HOXC9: variants seen among roughly 807,000 people sequenced by gnomAD.
The protein encoded by HOXC9 is homeobox C9.
Under a neutral mutation model 20.0 loss-of-function variants are expected in HOXC9, and 10 were observed. The ratio of observed to expected loss-of-function variants is 0.50; its 90% CI spans 0.31 to 0.85. The LOEUF is 0.85. Ranked by LOEUF, HOXC9 falls within the 40% of genes least tolerant of loss-of-function variation. The pLI, the probability that HOXC9 is intolerant of heterozygous loss-of-function variation, is 0.05. For synonymous variants in HOXC9, 200 were observed against 163.7 expected (o/e 1.22, Z -1.69); for missense variants, 394 against 376.7 (o/e 1.05, Z -0.38).
Position 54,003,152 on chromosome 12 carries a change from C to G in HOXC9, c.*478C>G, listed in dbSNP as rs1007340253. ...ATGATAATGATTCCCAGCCCAGGAG[C>G]TGAGGGGTGAGGGCTGGGGACCATG... On this transcript the variant is annotated 3_prime_UTR_variant, in exon 2 of 2. Coordinates refer to ENST00000303450, the MANE Select transcript of HOXC9 (RefSeq NM_006897.3). 6.5e-6 allele frequency: 1 copy of G among 154,494 alleles called. No individual in the cohort carries two copies. The highest frequency in any genetic ancestry group is 2.4e-5 in the African/African-American group (1 of 41,324). The allele number at this position is 154,494 out of a possible 1,614,324, so 9.6% of individuals were successfully genotyped here. A position where few individuals can be genotyped will look rare whatever the true frequency, so the allele number is the denominator to read the frequency against.
Position 54,002,479 on chromosome 12 carries a change from C to G in HOXC9, c.588C>G (p.Arg196=). The G allele has an allele frequency of 5.0e-6, 8 of 1,614,108 alleles. No homozygotes were observed. The highest frequency in any genetic ancestry group is 6.8e-6 in the Non-Finnish European group (8 of 1,179,970). ...ACGCCCGCTCCACGAGGAAGAAGCG[C>G]TGCCCCTACACCAAGTACCAGACGC... is the stretch of plus-strand genomic sequence containing the variant. ...WIHARSTRKK[R]CPYTKYQTLE... is the part of the protein sequence containing the mutation. Residue 196 remains arginine (R), a synonymous_variant, in exon 2 of 2, where the codon CGC becomes CGG. Coordinates refer to ENST00000303450, the MANE Select transcript of HOXC9 (RefSeq NM_006897.3).
rs1266645645 is a variant in HOXC9 at position 54,000,576 on chromosome 12, T to G, written c.388T>G (p.Cys130Gly). 2 of 1,535,130 alleles carry G rather than the reference T, an allele frequency of 1.3e-6. No homozygotes were observed. The highest frequency in any genetic ancestry group is 1.7e-6 in the Non-Finnish European group (2 of 1,148,488). The part of the protein sequence containing the change: ...PDAYPGRRAD[C>G]GPGEGRSYPD... ...CGCCTACCCCGGGCGCCGCGCGGAC[T>G]GCGGCCCAGGGGAGGGCCGCAGCTA... Residue 130 changes from cysteine (C) to glycine (G), a missense_variant, in exon 1 of 2, where the codon TGC (cysteine) becomes GGC (glycine). Cys to Gly is a radical substitution (Grantham distance 159). Transcript: ENST00000303450.
intron 1 of HOXC9, 60 bp from the exon 2 acceptor site, chr12:54,002,370 A>G (rs1939764787): frequency 1.3e-6 from 2 of 1,573,084 alleles, no homozygotes; most frequent in Non-Finnish European, 1.7e-6. Flanking sequence ...GGGGTAGAGT[A>G]GCAGAAGTCC....
At chr12:54,000,828 G>A (rs950215930) in intron 1 of HOXC9, 102 bp downstream of exon 1, 1 of 1,096,754 alleles carries the variant, frequency 9.1e-7, no homozygotes, top group Non-Finnish European at 1.2e-6. Flanking sequence ...CAGGGAGCGC[G>A]GGAGAGGGGC....
rs1261463411 is a variant in HOXC9, at chr12:54,002,721, A to G, written c.*47A>G. On this transcript the variant is annotated 3_prime_UTR_variant, in exon 2 of 2. Transcript: ENST00000303450. ...CAGCACAGCCAAGGGAAAAACAAAA[A>G]CCCCACAAAATACCCCAACACAGGC... is the stretch of plus-strand genomic sequence containing the variant. 1 of 1,561,076 alleles carries G rather than the reference A, an allele frequency of 6.4e-7. No homozygotes were observed. Among genetic ancestry groups the G allele is most frequent in the African/African-American group, 1.4e-5 (1 of 72,736 alleles).
Position 54,003,308 on chromosome 12 carries a change from G to C in HOXC9, c.*634G>C, listed in dbSNP as rs1477297998. ...GTTTGTTATGGTAGAACAGCCCTGT[G>C]TTAATATATTGAAGTCACTTAACCA... On this transcript the variant is annotated 3_prime_UTR_variant, in exon 2 of 2. Transcript: ENST00000303450. 1 of 152,288 alleles carries C rather than the reference G, an allele frequency of 6.6e-6. No individual in the cohort carries two copies. The highest frequency in any genetic ancestry group is 1.5e-5 in the Non-Finnish European group (1 of 68,132). 9.4% of individuals were successfully genotyped at this position (152,288 alleles called of 1,614,324 possible). A position where few individuals can be genotyped will look rare whatever the true frequency, so the allele number is the denominator to read the frequency against.
chr12:54,000,203 G>T lies in HOXC9; in HGVS notation c.15G>T (p.Gly5=), dbSNP rs1468322695. 5 of 1,614,012 alleles carry T rather than the reference G, an allele frequency of 3.1e-6. No individual in the cohort carries two copies. The highest frequency in any genetic ancestry group is 1.1e-5 in the South Asian group (1 of 91,082). The part of the protein sequence containing the change: MSAT[G]PISNYYVDSL... ...ACCCCGTTACGATGTCGGCGACGGG[G>T]CCCATCAGTAACTATTACGTGGACT... The change falls in exon 1 of 2, where the codon GGG becomes GGT. Residue 5 remains glycine, a synonymous_variant. Transcript: ENST00000303450.
rs1438873096 is a variant in HOXC9, at chr12:54,002,552, C to T, written c.661C>T (p.Arg221Cys). 6 of 1,614,054 alleles carry T rather than the reference C, an allele frequency of 3.7e-6. No homozygotes were observed. The highest frequency in any genetic ancestry group is 1.7e-5 in the Admixed American group (1 of 60,008). Residue 221 changes from arginine to cysteine, a missense_variant, in exon 2 of 2, where the codon CGT becomes TGT. Arg to Cys is a radical substitution (Grantham distance 180). Coordinates refer to ENST00000303450, the MANE Select transcript of HOXC9 (RefSeq NM_006897.3). ...CTTCAATATGTATTTAACCAGGGACCGTCGGTATGAGGTGGCCCGGGTTCT... is the reference window on the plus strand; with the variant it reads ...CTTCAATATGTATTTAACCAGGGACTGTCGGTATGAGGTGGCCCGGGTTCT... Reference protein sequence around the residue: ...FLFNMYLTRDRRYEVARVLNL... With the variant: ...FLFNMYLTRDCRYEVARVLNL...
Position 54,000,400 on chromosome 12 carries a change from C to T in HOXC9, c.212C>T (p.Ser71Phe). 2 of 1,612,830 alleles carry T rather than the reference C, an allele frequency of 1.2e-6. No homozygotes were observed. The highest frequency in any genetic ancestry group is 8.5e-7 in the Non-Finnish European group (1 of 1,179,996). Residue 71 changes from serine (S) to phenylalanine (F), a missense_variant, in exon 1 of 2, where the codon TCT becomes TTT. Transcript: ENST00000303450. ...AGCACGTCGTGGGCGCCCGTGCCCTCTCAGTCGTCCGTGGTATATCACCCG... is the reference window on the plus strand; with the variant it reads ...AGCACGTCGTGGGCGCCCGTGCCCTTTCAGTCGTCCGTGGTATATCACCCG... ...VFSTSWAPVP[S>F]QSSVVYHPYG...
Position 54,000,437 on chromosome 12 carries a change from G to C in HOXC9, c.249G>C (p.Gln83His). ...TGGTATATCACCCGTACGGCCCCCA[G>C]CCCCACCTCGGCGCCGACACGCGCT... ...SSVVYHPYGPQPHLGADTRYM... is the reference protein window; with the variant it reads ...SSVVYHPYGPHPHLGADTRYM... The change falls in exon 1 of 2, where the codon CAG (glutamine) becomes CAC (histidine). Residue 83 changes from glutamine to histidine, a missense_variant. Gln to His is a conservative substitution (Grantham distance 24). Coordinates refer to ENST00000303450, the MANE Select transcript of HOXC9 (RefSeq NM_006897.3). 6.2e-7 allele frequency: 1 copy of C among 1,607,356 alleles called. No homozygotes were observed. The highest frequency in any genetic ancestry group is 8.5e-7 in the Non-Finnish European group (1 of 1,179,816).
At position 54,000,560 on chromosome 12, in the gene HOXC9, C is replaced by T; in HGVS notation, c.372C>T (p.Pro124=). ...ACGCCCTCAAGCCGGACGCCTACCC[C>T]GGGCGCCGCGCGGACTGCGGCCCAG... ...RHYALKPDAY[P]GRRADCGPGE... is the part of the protein sequence containing the mutation. Residue 124 remains proline (P), a synonymous_variant, in exon 1 of 2, where the codon CCC becomes CCT. Coordinates refer to ENST00000303450, the MANE Select transcript of HOXC9 (RefSeq NM_006897.3). The T allele has an allele frequency of 1.3e-6, 2 of 1,538,860 alleles. No homozygotes were observed. The highest frequency in any genetic ancestry group is 1.7e-6 in the Non-Finnish European group (2 of 1,150,102).
In HOXC9 at chr12:54,002,314, C is replaced by A. The variant is rs998986277; in HGVS notation, c.539-116C>A. ...GAAAATTCCTAAAGCAAAATGTGTC[C>A]AAATTCAGGTTCAGTTATTGCATTT... On this transcript the variant is annotated intron_variant, in intron 1 of 1. Coordinates refer to ENST00000303450, the MANE Select transcript of HOXC9 (RefSeq NM_006897.3). 14 of 1,313,452 alleles carry A rather than the reference C, an allele frequency of 1.1e-5. No individual in the cohort carries two copies. The African/African-American group carries it at 1.3e-4, about 12-fold the overall frequency. 81.4% of individuals were successfully genotyped at this position (1,313,452 alleles called of 1,614,324 possible).
rs578230203 is a variant in HOXC9, at chr12:54,002,747, G to C, written c.*73G>C. The C allele has an allele frequency of 2.7e-5, 41 of 1,491,706 alleles. No homozygotes were observed. In the East Asian group the frequency reaches 7.6e-4, roughly 27 times the overall value. 92.4% of individuals were successfully genotyped at this position (1,491,706 alleles called of 1,614,324 possible). On this transcript the variant is annotated 3_prime_UTR_variant, in exon 2 of 2. Coordinates refer to ENST00000303450, the MANE Select transcript of HOXC9 (RefSeq NM_006897.3). ...CCCCACAAAATACCCCAACACAGGC[G>C]GGGGAGAGACGAAAAAGAAAAGGAA...
rs958529688 is a variant in HOXC9, at chr12:54,000,571, C to A, written c.383C>A (p.Ala128Glu). 6.5e-7 allele frequency: 1 copy of A among 1,535,176 alleles called. No homozygotes were observed. The highest frequency in any genetic ancestry group is 8.7e-7 in the Non-Finnish European group (1 of 1,148,548). ...LKPDAYPGRR[A>E]DCGPGEGRSY... The stretch of plus-strand genomic sequence containing the variant: ...CCGGACGCCTACCCCGGGCGCCGCG[C>A]GGACTGCGGCCCAGGGGAGGGCCGC... Residue 128 changes from alanine to glutamate, a missense_variant, in exon 1 of 2, where the codon GCG becomes GAG. By Grantham distance (107) the Ala-to-Glu change is moderately radical. Transcript: ENST00000303450.
In HOXC9 at chr12:54,000,561, G is replaced by C; in HGVS notation, c.373G>C (p.Gly125Arg). ...HYALKPDAYPGRRADCGPGEG... is the reference protein window; with the variant it reads ...HYALKPDAYPRRRADCGPGEG... ...CGCCCTCAAGCCGGACGCCTACCCCGGGCGCCGCGCGGACTGCGGCCCAGG... is the reference window on the plus strand; with the variant it reads ...CGCCCTCAAGCCGGACGCCTACCCCCGGCGCCGCGCGGACTGCGGCCCAGG... The change falls in exon 1 of 2, where the codon GGG (glycine) becomes CGG (arginine). Residue 125 changes from glycine to arginine, a missense_variant. By Grantham distance (125) the Gly-to-Arg change is moderately radical. Transcript: ENST00000303450. 2 of 1,538,762 alleles carry C rather than the reference G, an allele frequency of 1.3e-6. No individual in the cohort carries two copies. Among genetic ancestry groups the C allele is most frequent in the Non-Finnish European group, 1.7e-6 (2 of 1,150,078 alleles).
At chr12:54,001,349 C>T (rs1419786099) in intron 1 of HOXC9, among the ~76,000 whole-genome samples, 1 of 151,976 alleles carries the variant, frequency 6.6e-6, no homozygotes, top group Non-Finnish European at 1.5e-5. Context: ...TGAGAACCCT[C>T]TTCTGAGGGT....
chr12:54,000,567 C>A lies in HOXC9; in HGVS notation c.379C>A (p.Arg127Ser). The A allele has an allele frequency of 6.5e-7, 1 of 1,536,488 alleles. No homozygotes were observed. The change falls in exon 1 of 2, where the codon CGC (arginine) becomes AGC (serine). Residue 127 changes from arginine (R) to serine (S), a missense_variant. Transcript: ENST00000303450. ...CAAGCCGGACGCCTACCCCGGGCGC[C>A]GCGCGGACTGCGGCCCAGGGGAGGG... is the stretch of plus-strand genomic sequence containing the variant. Reference protein sequence around the residue: ...ALKPDAYPGRRADCGPGEGRS... With the variant: ...ALKPDAYPGRSADCGPGEGRS...
Position 54,000,369 on chromosome 12 carries a change from G to A in HOXC9, c.181G>A (p.Val61Met), listed in dbSNP as rs1422506666. 1 of 1,613,868 alleles carries A rather than the reference G, an allele frequency of 6.2e-7. No individual in the cohort carries two copies. Among genetic ancestry groups the A allele is most frequent in the Admixed American group, 1.7e-5 (1 of 60,038 alleles). Residue 61 changes from valine (V) to methionine (M), a missense_variant, in exon 1 of 2, where the codon GTG (valine) becomes ATG (methionine). Transcript: ENST00000303450. ...CTGTAGCTTCGCGCCCAAGCCGGCA[G>A]TGTTCAGCACGTCGTGGGCGCCCGT... ...PSCSFAPKPAVFSTSWAPVPS... is the reference protein window; with the variant it reads ...PSCSFAPKPAMFSTSWAPVPS...
In HOXC9 at chr12:54,000,708, A is replaced by G; in HGVS notation, c.520A>G (p.Lys174Glu). Residue 174 changes from lysine to glutamate, a missense_variant, in exon 1 of 2, where the codon AAG becomes GAG. Physicochemically the swap from Lys to Glu is moderately conservative, Grantham distance 56. Coordinates refer to ENST00000303450, the MANE Select transcript of HOXC9 (RefSeq NM_006897.3). Reference sequence around the variant, plus strand: ...CGCCGGCAGCAAGCACAAAGAGGAGAAGGCCGACCTGGACCCCAGTAAGTT... The same window carrying G: ...CGCCGGCAGCAAGCACAAAGAGGAGGAGGCCGACCTGGACCCCAGTAAGTT... ...ALAGSKHKEE[K>E]ADLDPSNPVA... 1.3e-6 allele frequency: 2 copies of G among 1,560,268 alleles called. No individual in the cohort carries two copies. Among genetic ancestry groups the G allele is most frequent in the South Asian group, 1.2e-5 (1 of 85,092 alleles).
Sources: gnomAD v4.1 joint callset for allele counts (sites outside exome capture counted in the v4.1 genomes callset) on GRCh38, gnomAD v4.1.1 for gene constraint, MANE v1.5 for transcripts, NCBI Gene and HGNC (gene_info 2026-07-23, HGNC 2026-07-21) for gene names.